The following SP100 variants were observed in gnomAD, a reference collection of about 807,000 sequenced individuals.
SP100 encodes the protein nuclear autoantigen Sp-100.
Under a neutral mutation model 130.0 loss-of-function variants are expected in SP100, and 84 were observed. That is an observed-to-expected ratio of 0.65 (90% CI 0.54 to 0.77). The LOEUF is 0.77. SP100 is among the 30% of genes least tolerant of loss of function. The pLI is 0.00. For synonymous variants in SP100, 331 were observed against 351.7 expected (o/e 0.94, Z 0.66); for missense variants, 978 against 1,052.2 (o/e 0.93, Z 0.97).
At chr2:230,499,094 C>T (rs1182341640) in intron 19 of SP100, among the ~76,000 whole-genome samples, 3 of 152,144 alleles carry the variant, frequency 2.0e-5, no homozygotes, top group African/African-American at 7.2e-5. Context: ...GCACAGAGCT[C>T]TTGTAGACTG....
At chr2:230,542,332 C>T (rs1225496373) in intron 28 of SP100, among the ~76,000 whole-genome samples, 2 of 152,116 alleles carry the variant, frequency 1.3e-5, no homozygotes, top group African/African-American at 2.4e-5. Context: ...TTTGTTTCTA[C>T]TGGAAATAGA....
chr2:230,450,369 C>A, intron 8 of SP100, 114 bp downstream of exon 8: 1 of 693,576 alleles, frequency 1.4e-6, no homozygotes, highest in Non-Finnish European at 2.5e-6. Context: ...TTAAAATTAC[C>A]AGATTAAAAG....
intron 2 of SP100, among the ~76,000 whole-genome samples, chr2:230,431,514 A>G (rs1030005503): frequency 1.3e-5 from 2 of 152,044 alleles, no homozygotes; most frequent in Admixed American, 1.3e-4. Context: ...GGGTTCTGAA[A>G]TTTTCACAAA....
At chr2:230,501,334 C>T (rs535138874) in intron 19 of SP100, among the ~76,000 whole-genome samples, 40 of 152,280 alleles carry the variant, frequency 2.6e-4, no homozygotes, top group African/African-American at 9.1e-4. Context: ...GTCATCTCTC[C>T]TCCCCATGTA....
intron 24 of SP100, among the ~76,000 whole-genome samples, chr2:230,534,752 T>A (rs1691852420): frequency 6.6e-6 from 1 of 152,244 alleles, no homozygotes; most frequent in Non-Finnish European, 1.5e-5. Context: ...TGTTTTAATA[T>A]ATGCCATCAG....
chr2:230,516,589 G>A (rs187418336), intron 24 of SP100: 2 of 152,286 alleles, frequency 1.3e-5, no homozygotes, highest in African/African-American at 2.4e-5. Context: ...GAAGACATCA[G>A]TTTTTCATTA....
intron 24 of SP100, among the ~76,000 whole-genome samples, chr2:230,527,820 A>C (rs1231519302): frequency 1.3e-5 from 2 of 152,194 alleles, no homozygotes; most frequent in African/African-American, 4.8e-5. Context: ...AACAAAGATC[A>C]AAAGAGACAA....
chr2:230,425,409 A>G (rs2062896678), intron 2 of SP100, among the ~76,000 whole-genome samples: 1 of 151,894 alleles, frequency 6.6e-6, no homozygotes, highest in South Asian at 2.1e-4. Context: ...CTTGTCATAC[A>G]TGGCCTTTAT....
At chr2:230,499,728 T>C (rs949013497) in intron 19 of SP100, among the ~76,000 whole-genome samples, 1 of 151,904 alleles carries the variant, frequency 6.6e-6, no homozygotes, top group African/African-American at 2.4e-5. Flanking sequence ...CTCAGCCCTC[T>C]GGCACCCTTG....
In SP100 at chr2:230,473,457, G is replaced by T. The variant is rs2065374795; in HGVS notation, c.1546+17G>T. 1 of 1,489,660 alleles carries T rather than the reference G, an allele frequency of 6.7e-7. No individual in the cohort carries two copies. The highest frequency in any genetic ancestry group is 1.7e-5 in the Admixed American group (1 of 59,790). The allele number at this position is 1,489,660 out of a possible 1,614,324, so 92.3% of individuals were successfully genotyped here. ...ACATGATGGGTAAGGCTACCCTAGG[G>T]TCTTGGGATGGAAGTGGCTCAGTGG... On this transcript the variant is annotated intron_variant, in intron 16 of 28. Transcript: ENST00000340126.
At chr2:230,460,005 T>A (rs1170961225) in intron 8 of SP100, among the ~76,000 whole-genome samples, 1 of 152,192 alleles carries the variant, frequency 6.6e-6, no homozygotes, top group Non-Finnish European at 1.5e-5. Context: ...CCCACCACAC[T>A]AAGCTTCCTT....
At position 230,417,680 on chromosome 2, in the gene SP100, G is replaced by T. The variant is rs2062647328; in HGVS notation, c.107+15G>T. 4 of 1,607,012 alleles carry T rather than the reference G, an allele frequency of 2.5e-6. 1 individual carries two copies. The South Asian group carries it at 4.5e-5, about 18-fold the overall frequency. On this transcript the variant is annotated intron_variant, in intron 2 of 28. Coordinates refer to ENST00000340126, the MANE Select transcript of SP100 (RefSeq NM_001080391.2). ...GATTTGCAAAGGTGATGAATGAAGA[G>T]TTATGTCTTGTTTTAATTTGTATTT... is the stretch of plus-strand genomic sequence containing the variant.
rs2065185813 is a variant in SP100, at chr2:230,469,956, C to T, written c.1346-59C>T. 1.9e-6 allele frequency: 3 copies of T among 1,555,066 alleles called. No homozygotes were observed. In the Admixed American group the frequency reaches 5.7e-5, roughly 30 times the overall value. ...TGTTCAGTTTTGCTTTTAAAGAATT[C>T]CCTGCTGATTCCTAAGACTCAGACT... On this transcript the variant is annotated intron_variant, in intron 14 of 28. Transcript: ENST00000340126.
intron 24 of SP100, among the ~76,000 whole-genome samples, chr2:230,523,914 A>G (rs910692118): frequency 1.6e-4 from 24 of 152,126 alleles, no homozygotes; most frequent in Admixed American, 6.5e-4. Context: ...CATCTCAAAA[A>G]AAAAAATTAT....
At chr2:230,442,540 T>G (rs1229832573) in intron 2 of SP100, among the ~76,000 whole-genome samples, 3 of 152,236 alleles carry the variant, frequency 2.0e-5, no homozygotes, top group African/African-American at 7.2e-5. Context: ...TTTCTCTCAG[T>G]TGATTAAGAT....
At chr2:230,520,516 G>A (rs890669) in intron 24 of SP100, 61,583 of 152,040 alleles carry the variant, frequency 0.41, 13,805 homozygotes, top group South Asian at 0.56. Flanking sequence ...TTGATTTTGG[G>A]AGGAACTCCT....
chr2:230,507,943 C>A, intron 22 of SP100, 50 bp from the exon 23 acceptor site: 3 of 1,567,794 alleles, frequency 1.9e-6, no homozygotes, highest in African/African-American at 1.4e-5. Context: ...ACTAAGCTCA[C>A]AAAATAAAAG....
At chr2:230,441,665 G>A (rs953402948) in intron 2 of SP100, among the ~76,000 whole-genome samples, 2 of 150,778 alleles carry the variant, frequency 1.3e-5, no homozygotes, top group Admixed American at 6.6e-5. Flanking sequence ...ATCCAGTAGC[G>A]GGCAGTATTA....
At chr2:230,464,288 A>C in intron 11 of SP100, 138 bp downstream of exon 11, 1 of 621,610 alleles carries the variant, frequency 1.6e-6, no homozygotes. Flanking sequence ...CACTTTCTAC[A>C]TTTAACCTCT....
Sources: gnomAD v4.1 joint callset for allele counts (sites outside exome capture counted in the v4.1 genomes callset) on GRCh38, gnomAD v4.1.1 for gene constraint, MANE v1.5 for transcripts, NCBI Gene and HGNC (gene_info 2026-07-23, HGNC 2026-07-21) for gene names.